The following LDHAL6A variants were observed in gnomAD, a reference collection of about 807,000 sequenced individuals.
LDHAL6A encodes the protein lactate dehydrogenase A like 6A, also known as L-lactate dehydrogenase A-like 6A.
A neutral mutation model predicts 28.2 loss-of-function variants in LDHAL6A; 19 were observed. That is an observed-to-expected ratio of 0.67 (90% confidence interval 0.47 to 0.99). LDHAL6A has a LOEUF of 0.99. LDHAL6A is among the 50% of genes least tolerant of loss of function. The probability of loss-of-function intolerance (pLI) is 0.00; values close to 1 mark genes in which losing one functional copy is unlikely to be tolerated. For missense variants in LDHAL6A, 372 were observed against 398.6 expected (o/e 0.93, Z 0.57); for synonymous variants, 144 against 134.4 (o/e 1.07, Z -0.49).
chr11:18,466,295 T>C (rs1441376111), intron 3 of LDHAL6A, among the ~76,000 whole-genome samples: 1 of 152,114 alleles, frequency 6.6e-6, no homozygotes, highest in Non-Finnish European at 1.5e-5. Flanking sequence ...AATCTCTGTT[T>C]TGTTAGTGTA....
intron 4 of LDHAL6A, among the ~76,000 whole-genome samples, 198 bp from the exon 5 acceptor site, chr11:18,476,186 G>T (rs1006963657): frequency 6.6e-6 from 1 of 152,212 alleles, no homozygotes; most frequent in Admixed American, 6.5e-5. Context: ...CTTATTTGGA[G>T]AATCTTTGCC....
chr11:18,477,604 T>C lies in LDHAL6A; in HGVS notation c.711-16T>C, dbSNP rs1849419465. ...AGTGCATCTTAACTTATGTTTATGGTTTCTTCTATCTACAGTGGCTATGAG... is the reference window on the plus strand; with the variant it reads ...AGTGCATCTTAACTTATGTTTATGGCTTCTTCTATCTACAGTGGCTATGAG... On this transcript the variant is annotated splice_polypyrimidine_tract_variant and intron_variant, in intron 5 of 6. Transcript: ENST00000280706. The C allele has an allele frequency of 5.0e-6, 8 of 1,585,084 alleles. No homozygotes were observed. Among genetic ancestry groups the C allele is most frequent in the Non-Finnish European group, 6.0e-6 (7 of 1,170,138 alleles).
At position 18,459,539 on chromosome 11, in the gene LDHAL6A, C is replaced by T. The variant is rs950656187; in HGVS notation, c.126+2733C>T. On this transcript the variant is annotated intron_variant, in intron 1 of 6. Coordinates refer to ENST00000280706, the MANE Select transcript of LDHAL6A (RefSeq NM_144972.5). ...CACATTGTTATCATGTGGGTCAGTA[C>T]TCCTTAGTAAACTCCCTTTCATATC... Among the ~76,000 whole-genome samples the T allele has an allele frequency of 2.6e-5, 4 of 152,174 alleles. No homozygotes were observed. In the South Asian group the frequency reaches 8.3e-4, roughly 32 times the overall value.
intron 2 of LDHAL6A, 86 bp from the exon 3 acceptor site, chr11:18,465,551 G>A (rs578175601): frequency 4.6e-6 from 5 of 1,095,112 alleles, no homozygotes; most frequent in Non-Finnish European, 6.6e-6. Context: ...GGTAAACATA[G>A]TGTGGTGATT....
rs1284830124 is a variant in LDHAL6A, at chr11:18,477,668, C to T, written c.759C>T (p.Ser253=). Residue 253 remains serine (S), a synonymous_variant, in exon 6 of 7, where the codon AGC becomes AGT. Transcript: ENST00000280706. Reference sequence around the variant, plus strand: ...AAGGTTATACTTCTTGGGGCATTAGCCTATCTGTAGCTGATTTAACAGAAA... The same window carrying T: ...AAGGTTATACTTCTTGGGGCATTAGTCTATCTGTAGCTGATTTAACAGAAA... ...KMKGYTSWGI[S]LSVADLTESI... The T allele has an allele frequency of 1.2e-6, 2 of 1,612,598 alleles. No homozygotes were observed. The highest frequency in any genetic ancestry group is 1.1e-5 in the South Asian group (1 of 90,962).
rs1848743520 is a variant in LDHAL6A at position 18,456,005 on chromosome 11, T to C, written c.-676T>C. 1 of 152,566 alleles carries C rather than the reference T, an allele frequency of 6.6e-6. No individual in the cohort carries two copies. The highest frequency in any genetic ancestry group is 6.5e-5 in the Admixed American group (1 of 15,292). 9.5% of individuals were successfully genotyped at this position (152,566 alleles called of 1,614,324 possible). A position where few individuals can be genotyped will look rare whatever the true frequency, so the allele number is the denominator to read the frequency against. On this transcript the variant is annotated 5_prime_UTR_variant, in exon 1 of 7. Coordinates refer to ENST00000280706, the MANE Select transcript of LDHAL6A (RefSeq NM_144972.5). ...AAGGGGGCGACCCGGCGTCTGTTAG[T>C]CGGCGGTTCATCTCCTTCGTGCCTC...
chr11:18,469,269 A>G (rs1056707435), intron 3 of LDHAL6A: 2 of 566,864 alleles, frequency 3.5e-6, no homozygotes, highest in Non-Finnish European at 3.1e-6. Flanking sequence ...TGAATCCCCA[A>G]CCTACTTTGA....
At chr11:18,469,367 G>C (rs1326006734) in intron 3 of LDHAL6A, 4 of 420,630 alleles carry the variant, frequency 9.5e-6, no homozygotes, top group Non-Finnish European at 1.3e-5. Flanking sequence ...AGCATCACTT[G>C]CTTGGCAACA....
At chr11:18,460,022 G>T (rs887688862) in intron 1 of LDHAL6A, among the ~76,000 whole-genome samples, 4 of 152,184 alleles carry the variant, frequency 2.6e-5, no homozygotes, top group African/African-American at 4.8e-5. Flanking sequence ...TGTTGATGTT[G>T]ACCTCAGTTA....
chr11:18,464,364 T>C (rs1848996226), intron 2 of LDHAL6A, among the ~76,000 whole-genome samples: 2 of 152,204 alleles, frequency 1.3e-5, no homozygotes, highest in Admixed American at 1.3e-4. Context: ...CTTTATATAA[T>C]TTAATCCTGA....
intron 1 of LDHAL6A, 30 bp from the exon 2 acceptor site, chr11:18,463,925 TACACTC>T: frequency 7.6e-7 from 1 of 1,311,084 alleles, no homozygotes; most frequent in Non-Finnish European, 1.1e-6. Flanking sequence ...AATCAAGAGA[TACACTC>T]ACACCCATTG....
At chr11:18,464,630 G>A (rs778170610) in intron 2 of LDHAL6A, among the ~76,000 whole-genome samples, 2 of 151,702 alleles carry the variant, frequency 1.3e-5, no homozygotes, top group African/African-American at 2.4e-5. Flanking sequence ...CAGGAGAATC[G>A]CTTGAACCTG....
intron 4 of LDHAL6A, 175 bp downstream of exon 4, chr11:18,475,814 A>T (rs529257511): frequency 1.9e-6 from 1 of 520,518 alleles, no homozygotes; most frequent in African/African-American, 1.9e-5. Flanking sequence ...AAAAATACAG[A>T]TTTGAAAAAT....
At position 18,456,935 on chromosome 11, in the gene LDHAL6A, G is replaced by A. The variant is rs1012082447; in HGVS notation, c.126+129G>A. ...CAGTGTGAGGGGCATCAGAGGAAAA[G>A]GTGCCCTTTTTTTAGTTGTTCACCC... On this transcript the variant is annotated intron_variant, in intron 1 of 6. Transcript: ENST00000280706. 5 of 933,082 alleles carry A rather than the reference G, an allele frequency of 5.4e-6. No homozygotes were observed. In the Admixed American group the frequency reaches 1.6e-4, roughly 29 times the overall value. 57.8% of individuals were successfully genotyped at this position (933,082 alleles called of 1,614,324 possible).
In LDHAL6A at chr11:18,479,009, G is replaced by T; in HGVS notation, c.*139G>T. On this transcript the variant is annotated 3_prime_UTR_variant, in exon 7 of 7. Transcript: ENST00000280706. ...GTGACCTATTTAGTATAGCCTTCCA[G>T]CTTTTTTTTTTTTCTTTTTTGGGAG... The T allele has an allele frequency of 4.3e-6, 3 of 702,006 alleles. No homozygotes were observed. Among genetic ancestry groups the T allele is most frequent in the South Asian group, 2.0e-5 (1 of 49,262 alleles). 43.5% of individuals were successfully genotyped at this position (702,006 alleles called of 1,614,324 possible).
In LDHAL6A at chr11:18,465,386, G is replaced by A. The variant is rs112264457; in HGVS notation, c.245-251G>A. ...GATGGACCCACCTCGACCTCCCAAA[G>A]TGCTGGGATTACAGGGGTGAGCCAC... On this transcript the variant is annotated intron_variant, in intron 2 of 6. Transcript: ENST00000280706. Among the ~76,000 whole-genome samples the A allele has an allele frequency of 7.2e-3, 1,087 of 150,706 alleles. 10 individuals carry two copies. Among genetic ancestry groups the A allele is most frequent in the African/African-American group, 0.025 (1,042 of 41,050 alleles).
intron 3 of LDHAL6A, among the ~76,000 whole-genome samples, chr11:18,467,892 TATATATATATATATATATATATATATAC>T (rs1849117074): frequency 7.4e-5 from 5 of 67,652 alleles, no homozygotes; most frequent in East Asian, 7.7e-4. Context: ...TATATATATA[TATATATATATATATATATATATATATAC>T]ACACACATAT....
rs139113488 is a variant in LDHAL6A at position 18,471,175 on chromosome 11, A to G, written c.419-4291A>G. Among the ~76,000 whole-genome samples, 9 of 151,010 alleles carry G rather than the reference A, an allele frequency of 6.0e-5. No individual in the cohort carries two copies. In the East Asian group the frequency reaches 1.8e-3, roughly 30 times the overall value. On this transcript the variant is annotated intron_variant, in intron 3 of 6. Transcript: ENST00000280706. The stretch of plus-strand genomic sequence containing the variant: ...CTTACCTAAGTGCATAATTTTGTCC[A>G]TGTAGTGGTAGAATTGTAAAACTAA...
Position 18,456,590 on chromosome 11 carries a change from C to A in LDHAL6A, c.-91C>A. 1 of 1,209,956 alleles carries A rather than the reference C, an allele frequency of 8.3e-7. No homozygotes were observed. The highest frequency in any genetic ancestry group is 1.2e-6 in the Non-Finnish European group (1 of 829,122). The allele number at this position is 1,209,956 out of a possible 1,614,324, so 75.0% of individuals were successfully genotyped here. ...CGGGCCCAGGAGTTCTCTATACGCGCTCTCACCGCAGGTCTTGGAATTCCA... is the reference window on the plus strand; with the variant it reads ...CGGGCCCAGGAGTTCTCTATACGCGATCTCACCGCAGGTCTTGGAATTCCA... On this transcript the variant is annotated 5_prime_UTR_variant, in exon 1 of 7. Transcript: ENST00000280706.
Sources: gnomAD v4.1 joint callset for allele counts (sites outside exome capture counted in the v4.1 genomes callset) on GRCh38, gnomAD v4.1.1 for gene constraint, MANE v1.5 for transcripts, NCBI Gene and HGNC (gene_info 2026-07-23, HGNC 2026-07-21) for gene names.